GRIK2: variants seen among roughly 807,000 people sequenced by gnomAD.
The protein encoded by GRIK2 is glutamate ionotropic receptor kainate type subunit 2, also known as glutamate receptor ionotropic, kainate 2.
GRIK2 carries 32 observed loss-of-function variants against 100.3 expected under a neutral mutation model. The observed-to-expected ratio is 0.32, with a 90% confidence interval of 0.24 to 0.43. GRIK2 has a LOEUF of 0.43. Ranked by LOEUF, GRIK2 falls within the 20% of genes least tolerant of loss-of-function variation. The pLI, the probability that GRIK2 is intolerant of heterozygous loss-of-function variation, is 1.00. For missense variants in GRIK2, 843 were observed against 1,114.9 expected, an observed-to-expected ratio of 0.76 and a Z score of 3.47; for synonymous variants, 417 against 389.4, an observed-to-expected ratio of 1.07 and a Z score of -0.83.
At position 101,955,617 on chromosome 6, in the gene GRIK2, C is replaced by CTCTCTCTCTCTCTCTCTCTCTCTCTCT. The variant is rs1376723314; in HGVS notation, c.2085+26985_2085+26986insTCTCTCTCTCTCTCTCTCTCTCTCTCT. ...CTCTCTCTCTCTCTCTCTCTCTCTC[C>CTCTCTCTCTCTCTCTCTCTCTCTCTCT]CCCCCATTTCTTTTACAGTCAGATT... On this transcript the variant is annotated intron_variant, in intron 14 of 16. Transcript: ENST00000369134. Among the ~76,000 whole-genome samples the CTCTCTCTCTCTCTCTCTCTCTCTCTCT allele has an allele frequency of 4.8e-4, 56 of 116,414 alleles. 2 individuals carry two copies. Among genetic ancestry groups the CTCTCTCTCTCTCTCTCTCTCTCTCTCT allele is most frequent in the Admixed American group, 8.5e-4 (9 of 10,572 alleles). 76.4% of individuals were successfully genotyped at this position (116,414 alleles called of 152,430 possible). A position where few individuals can be genotyped will look rare whatever the true frequency, so the allele number is the denominator to read the frequency against.
intron 14 of GRIK2, among the ~76,000 whole-genome samples, chr6:101,958,796 G>T (rs1792105162): frequency 1.3e-5 from 2 of 151,920 alleles, no homozygotes; most frequent in African/African-American, 4.8e-5. Flanking sequence ...TATGGTTTTT[G>T]TTTTAAATTC....
At position 101,697,340 on chromosome 6, in the gene GRIK2, CGT is replaced by C. The variant is rs63654860; in HGVS notation, c.951+11028_951+11029del. 3.2e-3 allele frequency among the ~76,000 whole-genome samples: 468 copies of C among 146,802 alleles called. 3 individuals are homozygous for C. The highest frequency in any genetic ancestry group is 6.9e-3 in the Middle Eastern group (2 of 290). On this transcript the variant is annotated intron_variant, in intron 7 of 16. Transcript: ENST00000369134. Reference sequence around the variant, plus strand: ...CACTGTAGTAGATACTTAGGGTGTACGTGTGTGTGTGTGTGTGTGTGTGTGTG... The same window carrying C: ...CACTGTAGTAGATACTTAGGGTGTACGTGTGTGTGTGTGTGTGTGTGTGTG...
At position 101,881,584 on chromosome 6, in the gene GRIK2, C is replaced by A. The variant is rs866715644; in HGVS notation, c.1525-8056C>A. On this transcript the variant is annotated intron_variant, in intron 11 of 16. Coordinates refer to ENST00000369134, the MANE Select transcript of GRIK2 (RefSeq NM_021956.5). ...TCACTGTGAAGAAAACAGGAAATTT[C>A]TGCGTACTGATATTTTTCTAGGGAA... 4.6e-5 allele frequency among the ~76,000 whole-genome samples: 7 copies of A among 151,494 alleles called. No homozygotes were observed. In the South Asian group the frequency reaches 6.2e-4, roughly 13 times the overall value.
At chr6:101,789,998 C>T (rs1410054466) in intron 7 of GRIK2, among the ~76,000 whole-genome samples, 1 of 152,102 alleles carries the variant, frequency 6.6e-6, no homozygotes, top group Non-Finnish European at 1.5e-5. Flanking sequence ...CATGATTTGG[C>T]TCTCTGTTTG....
chr6:101,519,977 T>C (rs1381871418), intron 2 of GRIK2, among the ~76,000 whole-genome samples: 24 of 152,236 alleles, frequency 1.6e-4, no homozygotes, highest in Non-Finnish European at 2.9e-5. Context: ...AGCTAATCTA[T>C]CCACTCTCCA....
chr6:101,867,039 T>C (rs1785095626), intron 11 of GRIK2, among the ~76,000 whole-genome samples: 1 of 152,034 alleles, frequency 6.6e-6, no homozygotes, highest in Non-Finnish European at 1.5e-5. Flanking sequence ...TAACTGAAGC[T>C]CAAAAAGATA....
intron 2 of GRIK2, among the ~76,000 whole-genome samples, chr6:101,593,418 A>G (rs1281203745): frequency 6.6e-5 from 10 of 151,994 alleles, no homozygotes; most frequent in Non-Finnish European, 1.2e-4. Flanking sequence ...AGTTATTTAT[A>G]TTTTACAGAG....
intron 11 of GRIK2, among the ~76,000 whole-genome samples, chr6:101,880,053 A>G (rs1202171185): frequency 6.6e-6 from 1 of 152,062 alleles, no homozygotes; most frequent in African/African-American, 2.4e-5. Context: ...CCCTTGGACT[A>G]CTGTGGCTAT....
chr6:101,831,332 C>G (rs1782674820), intron 10 of GRIK2, among the ~76,000 whole-genome samples: 2 of 152,000 alleles, frequency 1.3e-5, no homozygotes. Context: ...GTTGCCTTTT[C>G]TTGAAAACAT....
intron 4 of GRIK2, among the ~76,000 whole-genome samples, chr6:101,634,394 G>A (rs1471965991): frequency 1.3e-5 from 2 of 152,056 alleles, no homozygotes; most frequent in Admixed American, 6.6e-5. Context: ...AGAAGACGGT[G>A]TCTGCTTCTT....
At chr6:101,436,257 A>AT (rs1320345702) in intron 2 of GRIK2, among the ~76,000 whole-genome samples, 7 of 152,030 alleles carry the variant, frequency 4.6e-5, no homozygotes, top group African/African-American at 9.7e-5. Flanking sequence ...AGTTCAAGTT[A>AT]TTTTTTCAAA....
chr6:101,677,873 T>C (rs1056678209), intron 5 of GRIK2, among the ~76,000 whole-genome samples: 5 of 152,180 alleles, frequency 3.3e-5, no homozygotes, highest in African/African-American at 1.2e-4. Flanking sequence ...AATATTCCAA[T>C]ATAAATGTTG....
chr6:101,996,213 G>T (rs1330705813), intron 14 of GRIK2, among the ~76,000 whole-genome samples: 13 of 152,032 alleles, frequency 8.6e-5, no homozygotes, highest in Non-Finnish European at 1.6e-4. Flanking sequence ...AATGCAGGCA[G>T]TTAACATTTT....
intron 14 of GRIK2, among the ~76,000 whole-genome samples, chr6:101,991,902 T>G (rs1364768717): frequency 6.6e-6 from 1 of 151,472 alleles, no homozygotes; most frequent in East Asian, 1.9e-4. Flanking sequence ...ATGACAGAGT[T>G]TTCCTGGAAA....
intron 2 of GRIK2, among the ~76,000 whole-genome samples, chr6:101,587,162 T>C (rs2128305180): frequency 1.3e-5 from 2 of 151,814 alleles, no homozygotes; most frequent in Admixed American, 1.3e-4. Flanking sequence ...CAGGCAAAGT[T>C]GAAAAAGAAC....
intron 2 of GRIK2, among the ~76,000 whole-genome samples, chr6:101,506,037 T>C (rs2128276119): frequency 6.6e-6 from 1 of 152,254 alleles, no homozygotes; most frequent in East Asian, 1.9e-4. Context: ...GACATTGTTA[T>C]ACGTACTTTG....
intron 2 of GRIK2, among the ~76,000 whole-genome samples, chr6:101,551,823 A>G (rs1776524429): frequency 6.6e-6 from 1 of 152,150 alleles, no homozygotes; most frequent in Non-Finnish European, 1.5e-5. Context: ...CACAAAAGCC[A>G]AACAGATAGT....
chr6:101,633,781 C>T (rs563776731), intron 4 of GRIK2, among the ~76,000 whole-genome samples: 1 of 152,114 alleles, frequency 6.6e-6, no homozygotes, highest in South Asian at 2.1e-4. Context: ...ATTTAGAGTT[C>T]TGGGAAAGAA....
In GRIK2 at chr6:101,498,784, G is replaced by A. The variant is rs577184837; in HGVS notation, c.115+99392G>A. ...TGGATATTAGCCCTTTATCAGATGA[G>A]TAGATTGCAAAAATTGTCTCCCATT... is the stretch of plus-strand genomic sequence containing the variant. On this transcript the variant is annotated intron_variant, in intron 2 of 16. Transcript: ENST00000369134. Among the ~76,000 whole-genome samples the A allele has an allele frequency of 9.2e-5, 14 of 152,216 alleles. No homozygotes were observed. In the East Asian group the frequency reaches 2.5e-3, roughly 27 times the overall value.
Sources: gnomAD v4.1 joint callset for allele counts (sites outside exome capture counted in the v4.1 genomes callset) on GRCh38, gnomAD v4.1.1 for gene constraint, MANE v1.5 for transcripts, NCBI Gene and HGNC (gene_info 2026-07-23, HGNC 2026-07-21) for gene names.